ZNF225: variants seen among roughly 807,000 people sequenced by gnomAD.
ZNF225 encodes the protein zinc finger protein 225.
Under a neutral mutation model 12.0 loss-of-function variants are expected in ZNF225, and 6 were observed. That is an observed-to-expected ratio of 0.50 (90% CI 0.27 to 0.98). The LOEUF (loss-of-function observed/expected upper bound fraction) is 0.98, where lower values mean the gene tolerates loss of function less well. ZNF225 is among the 50% of genes least tolerant of loss of function. The probability of loss-of-function intolerance (pLI) is 0.11; values close to 1 mark genes in which losing one functional copy is unlikely to be tolerated. For synonymous variants in ZNF225, 271 were observed against 283.2 expected (o/e 0.96, Z 0.43); for missense variants, 763 against 848.2 (o/e 0.90, Z 1.25).
At position 44,133,506 on chromosome 19, in the gene ZNF225, G is replaced by C. The variant is rs966001959; in HGVS notation, c.*771G>C. The C allele has an allele frequency of 1.3e-5, 2 of 152,156 alleles. No homozygotes were observed. The highest frequency in any genetic ancestry group is 4.8e-5 in the African/African-American group (2 of 41,430). The allele number at this position is 152,156 out of a possible 1,614,324, so 9.4% of individuals were successfully genotyped here. On this transcript the variant is annotated 3_prime_UTR_variant, in exon 5 of 5. Coordinates refer to ENST00000262894, the MANE Select transcript of ZNF225 (RefSeq NM_013362.4). ...AGCTGTCCTCATACATAATGCATGTGAGCTCGCTTTAAGCATAAGTGAAGG... is the reference window on the plus strand; with the variant it reads ...AGCTGTCCTCATACATAATGCATGTCAGCTCGCTTTAAGCATAAGTGAAGG...
chr19:44,115,920 G>A lies in ZNF225; in HGVS notation c.15+78G>A, dbSNP rs954029853. ...TCTGTCGCCAAGGCTGGAGTGCAGTGGCCTGATTTTGGCTCATTGCAACCT... is the reference window on the plus strand; with the variant it reads ...TCTGTCGCCAAGGCTGGAGTGCAGTAGCCTGATTTTGGCTCATTGCAACCT... On this transcript the variant is annotated intron_variant, in intron 2 of 4. Coordinates refer to ENST00000262894, the MANE Select transcript of ZNF225 (RefSeq NM_013362.4). 9 of 1,515,510 alleles carry A rather than the reference G, an allele frequency of 5.9e-6. No homozygotes were observed. In the African/African-American group the frequency reaches 1.1e-4, roughly 19 times the overall value. 93.9% of individuals were successfully genotyped at this position (1,515,510 alleles called of 1,614,324 possible).
At position 44,131,710 on chromosome 19, in the gene ZNF225, C is replaced by T. The variant is rs1342254710; in HGVS notation, c.1096C>T (p.His366Tyr). The T allele has an allele frequency of 6.2e-7, 1 of 1,614,134 alleles. No homozygotes were observed. The highest frequency in any genetic ancestry group is 1.3e-5 in the African/African-American group (1 of 75,026). ...RQDLYKHQID[H>Y]TGEKPYNCKE... Reference sequence around the variant, plus strand: ...AGATCTTTATAAGCATCAGATAGACCACACAGGGGAGAAGCCATATAATTG... The same window carrying T: ...AGATCTTTATAAGCATCAGATAGACTACACAGGGGAGAAGCCATATAATTG... The change falls in exon 5 of 5, where the codon CAC (histidine) becomes TAC (tyrosine). Residue 366 changes from histidine (H) to tyrosine (Y), a missense_variant. Physicochemically the swap from His to Tyr is moderately conservative, Grantham distance 83. Coordinates refer to ENST00000262894, the MANE Select transcript of ZNF225 (RefSeq NM_013362.4).
intron 4 of ZNF225, among the ~76,000 whole-genome samples, chr19:44,119,100 G>A (rs544475683): frequency 2.0e-5 from 3 of 152,216 alleles, no homozygotes; most frequent in Admixed American, 1.3e-4. Context: ...ACAGGCGTGA[G>A]CCACCGCGCC....
chr19:44,131,847 A>G lies in ZNF225; in HGVS notation c.1233A>G (p.Thr411=), dbSNP rs1228526820. ...AAGAATGTGGGAAGGGATTTTATAC[A>G]AATTCACAACGTTATTCTCACCAGA... ...KCEECGKGFY[T]NSQRYSHQRA... The change falls in exon 5 of 5, where the codon ACA becomes ACG. Residue 411 remains threonine (T), a synonymous_variant. Coordinates refer to ENST00000262894, the MANE Select transcript of ZNF225 (RefSeq NM_013362.4). The G allele has an allele frequency of 1.1e-5, 17 of 1,613,770 alleles. No homozygotes were observed. Among genetic ancestry groups the G allele is most frequent in the Non-Finnish European group, 1.4e-5 (16 of 1,179,960 alleles).
intron 4 of ZNF225, among the ~76,000 whole-genome samples, chr19:44,118,946 A>C (rs1967998890): frequency 6.6e-6 from 1 of 151,678 alleles, no homozygotes; most frequent in Non-Finnish European, 1.5e-5. Context: ...CCTCCTGAGT[A>C]GCTGGGAATA....
Position 44,132,566 on chromosome 19 carries a change from T to G in ZNF225, c.1952T>G (p.Leu651Arg). The change falls in exon 5 of 5, where the codon CTA becomes CGA. Residue 651 changes from leucine (L) to arginine (R), a missense_variant. By Grantham distance (102) the Leu-to-Arg change is moderately radical (BLOSUM62 -2). Transcript: ENST00000262894. ...CAGAGACTCCACAGTAGAGAAAAAC[T>G]ACTTCAATGTGAGGACTGTGGGAAG... ...THQRLHSREK[L>R]LQCEDCGKSI... 6.2e-7 allele frequency: 1 copy of G among 1,613,966 alleles called. No homozygotes were observed. The highest frequency in any genetic ancestry group is 1.3e-5 in the African/African-American group (1 of 75,000).
At chr19:44,123,819 A>C (rs1299198189) in intron 4 of ZNF225, among the ~76,000 whole-genome samples, 1 of 152,020 alleles carries the variant, frequency 6.6e-6, no homozygotes, top group Non-Finnish European at 1.5e-5. Context: ...TTTGTATTGC[A>C]GTGGTGTCAG....
At position 44,118,229 on chromosome 19, in the gene ZNF225, G is replaced by C; in HGVS notation, c.57G>C (p.Glu19Asp). ...AGGACGTGGCTGTGGTCTTCACTGA[G>C]GAAGAGCTGAGGCTGCTGGACCTTG... ...TFKDVAVVFTEEELRLLDLAQ... is the reference protein window; with the variant it reads ...TFKDVAVVFTDEELRLLDLAQ... Residue 19 changes from glutamate (E) to aspartate (D), a missense_variant, in exon 3 of 5, where the codon GAG (glutamate) becomes GAC (aspartate). By Grantham distance (45) the Glu-to-Asp change is conservative (BLOSUM62 2). Coordinates refer to ENST00000262894, the MANE Select transcript of ZNF225 (RefSeq NM_013362.4). The C allele has an allele frequency of 6.2e-7, 1 of 1,613,278 alleles. No homozygotes were observed. Among genetic ancestry groups the C allele is most frequent in the Non-Finnish European group, 8.5e-7 (1 of 1,179,616 alleles).
At chr19:44,114,268 G>A in intron 1 of ZNF225, 1 of 739,240 alleles carries the variant, frequency 1.4e-6, no homozygotes, top group Non-Finnish European at 2.4e-6. Context: ...AACCGAGAGT[G>A]TATAGGATGT....
rs1292999760 is a variant in ZNF225, at chr19:44,131,159, G to C, written c.545G>C (p.Gly182Ala). Reference sequence around the variant, plus strand: ...AAGTCTCATACATGTGATGAATGTGGAAAGAGTTTCTGTTATAGCTCAGCT... The same window carrying C: ...AAGTCTCATACATGTGATGAATGTGCAAAGAGTTTCTGTTATAGCTCAGCT... ...REKSHTCDEC[G>A]KSFCYSSALR... The change falls in exon 5 of 5, where the codon GGA (glycine) becomes GCA (alanine). Residue 182 changes from glycine (G) to alanine (A), a missense_variant. Physicochemically the swap from Gly to Ala is moderately conservative, Grantham distance 60. Coordinates refer to ENST00000262894, the MANE Select transcript of ZNF225 (RefSeq NM_013362.4). 1 of 1,614,170 alleles carries C rather than the reference G, an allele frequency of 6.2e-7. No individual in the cohort carries two copies. Among genetic ancestry groups the C allele is most frequent in the South Asian group, 1.1e-5 (1 of 91,084 alleles).
At chr19:44,114,281 C>T (rs1049410773) in intron 1 of ZNF225, 6 of 661,380 alleles carry the variant, frequency 9.1e-6, no homozygotes, top group Non-Finnish European at 1.6e-5. Context: ...TAGGATGTGT[C>T]TTCGGGCATG....
rs200227995 is a variant in ZNF225, at chr19:44,131,549, G to A, written c.935G>A (p.Arg312Gln). The change falls in exon 5 of 5, where the codon CGA becomes CAA. Residue 312 changes from arginine to glutamine, a missense_variant. Arg to Gln is a conservative substitution (Grantham distance 43). Coordinates refer to ENST00000262894, the MANE Select transcript of ZNF225 (RefSeq NM_013362.4). ...NLNRHSMVHM[R>Q]EKPFRCDTCG... is the part of the protein sequence containing the mutation. ...AATAGGCATTCCATGGTTCACATGC[G>A]AGAGAAACCATTCAGATGTGATACA... 1.7e-4 allele frequency: 276 copies of A among 1,614,190 alleles called. 1 individual carries two copies. Among genetic ancestry groups the A allele is most frequent in the Admixed American group, 3.0e-4 (18 of 60,028 alleles).
At chr19:44,124,319 GT>G (rs1454414914) in intron 4 of ZNF225, among the ~76,000 whole-genome samples, 1 of 152,148 alleles carries the variant, frequency 6.6e-6, no homozygotes, top group Admixed American at 6.5e-5. Context: ...TATTTGCATG[GT>G]TTTGAAGGTT....
chr19:44,121,692 C>T (rs1207698690), intron 4 of ZNF225, among the ~76,000 whole-genome samples: 1 of 152,194 alleles, frequency 6.6e-6, no homozygotes, highest in African/African-American at 2.4e-5. Context: ...GTCATTCTTG[C>T]AGGAGTAAGG....
intron 4 of ZNF225, among the ~76,000 whole-genome samples, chr19:44,126,053 T>G (rs1968140759): frequency 6.6e-6 from 1 of 152,228 alleles, no homozygotes; most frequent in Admixed American, 6.5e-5. Flanking sequence ...CAGGGATTTC[T>G]TCTTGGTTTG....
At chr19:44,123,969 TTTTTGTTTTGTTTTG>T (rs146895973) in intron 4 of ZNF225, among the ~76,000 whole-genome samples, 10 of 151,726 alleles carry the variant, frequency 6.6e-5, no homozygotes, top group African/African-American at 1.9e-4. Context: ...TCTTTTGTAT[TTTTTGTTTTGTTTTG>T]TTTTGTTTTG....
chr19:44,118,420 T>C, intron 3 of ZNF225, 62 bp from the exon 4 acceptor site: 1 of 1,611,058 alleles, frequency 6.2e-7, no homozygotes, highest in Non-Finnish European at 8.5e-7. Context: ...TTCCAGTAAA[T>C]TTTACTTAGA....
chr19:44,115,867 T>C (rs759157270), intron 2 of ZNF225, 25 bp downstream of exon 2: 2 of 1,610,374 alleles, frequency 1.2e-6, no homozygotes, highest in Admixed American at 1.7e-5. Context: ...CCTCTCTTGC[T>C]GTTAAAATTT....
intron 4 of ZNF225, among the ~76,000 whole-genome samples, chr19:44,126,763 G>T (rs1968154668): frequency 6.6e-6 from 1 of 152,094 alleles, no homozygotes; most frequent in African/African-American, 2.4e-5. Context: ...CTGGAGTTGT[G>T]TACCTAGGAG....
Sources: allele counts gnomAD v4.1 joint callset (sites outside exome capture counted in the v4.1 genomes callset), GRCh38; gene constraint gnomAD v4.1.1; transcripts MANE v1.5; gene names NCBI Gene and HGNC (gene_info 2026-07-23, HGNC 2026-07-21).